SPOPL: variants seen among roughly 807,000 people sequenced by gnomAD.
SPOPL encodes the protein speckle type BTB/POZ protein like.
In SPOPL, 23 loss-of-function variants were observed where a neutral mutation model predicts 53.8. The observed-to-expected ratio is 0.43, with a 90% CI of 0.31 to 0.61. The LOEUF (loss-of-function observed/expected upper bound fraction) is 0.61, where lower values mean the gene tolerates loss of function less well. SPOPL is among the 20% of genes least tolerant of loss of function. The probability of loss-of-function intolerance (pLI) is 0.12; values close to 1 mark genes in which losing one functional copy is unlikely to be tolerated. For missense variants in SPOPL, 442 were observed against 466.9 expected (o/e 0.95, Z 0.49); for synonymous variants, 164 against 149.7 (o/e 1.10, Z -0.70).
At chr2:138,522,831 A>T (rs1684586902) in intron 1 of SPOPL, among the ~76,000 whole-genome samples, 1 of 152,198 alleles carries the variant, frequency 6.6e-6, no homozygotes, top group Admixed American at 6.5e-5. Context: ...AGTAATTAAA[A>T]CTACAAGATG....
intron 1 of SPOPL, among the ~76,000 whole-genome samples, chr2:138,529,521 T>C (rs1031789083): frequency 1.3e-5 from 2 of 148,242 alleles, no homozygotes; most frequent in Middle Eastern, 3.5e-3. Context: ...TGTGTGTGTG[T>C]GTGTGTGTGT....
intron 1 of SPOPL, among the ~76,000 whole-genome samples, chr2:138,513,464 C>T (rs1228970776): frequency 6.6e-6 from 1 of 151,876 alleles, no homozygotes; most frequent in Non-Finnish European, 1.5e-5. Flanking sequence ...GAGGCAGGAG[C>T]GCTTGAACCT....
At chr2:138,513,147 A>G (rs1374838067) in intron 1 of SPOPL, among the ~76,000 whole-genome samples, 3 of 152,216 alleles carry the variant, frequency 2.0e-5, no homozygotes, top group African/African-American at 7.2e-5. Flanking sequence ...TGAGGCCATG[A>G]TGGCTCACGC....
intron 1 of SPOPL, among the ~76,000 whole-genome samples, chr2:138,520,535 G>C (rs559770187): frequency 6.6e-6 from 1 of 152,284 alleles, no homozygotes; most frequent in East Asian, 1.9e-4. Flanking sequence ...AAGCACATTG[G>C]AAGTTGTAGA....
At chr2:138,529,412 C>T (rs1046601092) in intron 1 of SPOPL, among the ~76,000 whole-genome samples, 3 of 151,616 alleles carry the variant, frequency 2.0e-5, no homozygotes, top group African/African-American at 7.3e-5. Context: ...TGTTTTTGAC[C>T]ACCCCGTTTC....
chr2:138,510,808 C>T lies in SPOPL; in HGVS notation c.-61+8689C>T, dbSNP rs147043670. ...AATTCCTCTGTAGTTTTTTATAAGA[C>T]AAAAAAATGAAATAAAATTAACAGT... On this transcript the variant is annotated intron_variant, in intron 1 of 10. Transcript: ENST00000280098. 5.5e-3 allele frequency among the ~76,000 whole-genome samples: 830 copies of T among 151,884 alleles called. 8 individuals are homozygous for T. The highest frequency in any genetic ancestry group is 0.019 in the African/African-American group (799 of 41,448).
chr2:138,503,633 C>T (rs1418931864), intron 1 of SPOPL, among the ~76,000 whole-genome samples: 1 of 152,214 alleles, frequency 6.6e-6, no homozygotes, highest in Non-Finnish European at 1.5e-5. Context: ...TTCAAGGCAG[C>T]TAACTACCAA....
chr2:138,560,669 C>A, intron 7 of SPOPL, 136 bp from the exon 8 acceptor site: 1 of 931,932 alleles, frequency 1.1e-6, no homozygotes, highest in South Asian at 2.0e-5. Flanking sequence ...TTAGAAATAT[C>A]TGTGTATGTA....
At chr2:138,541,569 G>T (rs578253578) in intron 1 of SPOPL, among the ~76,000 whole-genome samples, 61 of 152,174 alleles carry the variant, frequency 4.0e-4, no homozygotes, top group Non-Finnish European at 7.3e-4. Flanking sequence ...TTGTATTTCT[G>T]TGGGATCGGT....
At chr2:138,535,911 A>G (rs79041281) in intron 1 of SPOPL, among the ~76,000 whole-genome samples, 15,430 of 151,066 alleles carry the variant, frequency 0.1, 954 homozygotes, top group East Asian at 0.27. Context: ...TCTACTGTTG[A>G]CCTCCTCTAG....
chr2:138,548,826 A>G (rs1685251958), intron 1 of SPOPL, among the ~76,000 whole-genome samples: 3 of 152,126 alleles, frequency 2.0e-5, no homozygotes, highest in African/African-American at 7.2e-5. Flanking sequence ...ATATATTACT[A>G]GAGATTTTTC....
chr2:138,502,405 AC>A (rs1684122602), intron 1 of SPOPL, among the ~76,000 whole-genome samples: 1 of 150,750 alleles, frequency 6.6e-6, no homozygotes, highest in South Asian at 2.1e-4. Flanking sequence ...CTTTAGTTTT[AC>A]CCCCGGGCCT....
At chr2:138,564,086 G>A (rs1267850006) in intron 8 of SPOPL, among the ~76,000 whole-genome samples, 1 of 152,194 alleles carries the variant, frequency 6.6e-6, no homozygotes, top group East Asian at 1.9e-4. Context: ...GCATATCAGA[G>A]GTATCACCTA....
At chr2:138,518,035 C>T (rs1415084364) in intron 1 of SPOPL, among the ~76,000 whole-genome samples, 10 of 109,610 alleles carry the variant, frequency 9.1e-5, no homozygotes, top group Non-Finnish European at 1.4e-4. Context: ...GCAACAAGAG[C>T]GAAACTGTCT....
intron 1 of SPOPL, among the ~76,000 whole-genome samples, chr2:138,508,221 T>C (rs1684256052): frequency 6.6e-6 from 1 of 152,222 alleles, no homozygotes; most frequent in Non-Finnish European, 1.5e-5. Flanking sequence ...ATGGATAAAC[T>C]TTTTGAAGAA....
intron 1 of SPOPL, among the ~76,000 whole-genome samples, chr2:138,538,273 G>A (rs564412538): frequency 7.9e-5 from 12 of 152,006 alleles, no homozygotes; most frequent in African/African-American, 1.2e-4. Context: ...GATCTTCCTC[G>A]TTCTCTGCAT....
In SPOPL at chr2:138,569,391, T is replaced by C. The variant is rs980677946; in HGVS notation, c.*311T>C. The C allele has an allele frequency of 1.8e-5, 4 of 225,002 alleles. No individual in the cohort carries two copies. Among genetic ancestry groups the C allele is most frequent in the African/African-American group, 9.1e-5 (4 of 44,038 alleles). 13.9% of individuals were successfully genotyped at this position (225,002 alleles called of 1,614,324 possible). A position where few individuals can be genotyped will look rare whatever the true frequency, so the allele number is the denominator to read the frequency against. ...GCTATGCAGGATTGCACTAGCTCCA[T>C]AATGCAGTAATATTGATAACTGAAG... On this transcript the variant is annotated 3_prime_UTR_variant, in exon 11 of 11. Coordinates refer to ENST00000280098, the MANE Select transcript of SPOPL (RefSeq NM_001001664.3).
chr2:138,534,150 G>T (rs1036827484), intron 1 of SPOPL, among the ~76,000 whole-genome samples: 12 of 152,044 alleles, frequency 7.9e-5, no homozygotes, highest in African/African-American at 2.9e-4. Flanking sequence ...ATAACGATTA[G>T]TACTTTATTC....
At chr2:138,551,558 C>T (rs1230487268) in intron 4 of SPOPL, among the ~76,000 whole-genome samples, 2 of 151,870 alleles carry the variant, frequency 1.3e-5, no homozygotes, top group Non-Finnish European at 2.9e-5. Flanking sequence ...ACATATATAG[C>T]CAGCTGAAAT....
Sources: allele counts gnomAD v4.1 joint callset (sites outside exome capture counted in the v4.1 genomes callset), GRCh38; gene constraint gnomAD v4.1.1; transcripts MANE v1.5; gene names NCBI Gene and HGNC (gene_info 2026-07-23, HGNC 2026-07-21).